OR2J3: variants seen among roughly 807,000 people sequenced by gnomAD.
OR2J3 encodes olfactory receptor family 2 subfamily J member 3.
A neutral mutation model predicts 18.5 loss-of-function variants in OR2J3; 13 were observed. The observed-to-expected ratio is 0.70, with a 90% CI of 0.46 to 1.12. The LOEUF is 1.12. Among genes scored for constraint, OR2J3 ranks in the 50% most tolerant of loss-of-function variants. The pLI, the probability that OR2J3 is intolerant of heterozygous loss-of-function variation, is 0.00. For missense variants in OR2J3, 321 were observed against 371.6 expected (o/e 0.86, Z 1.12); for synonymous variants, 142 against 140.6 (o/e 1.01, Z -0.07).
Position 29,112,461 on chromosome 6 carries a change from T to C in OR2J3, c.571T>C (p.Ser191Pro). The C allele has an allele frequency of 1.2e-6, 2 of 1,614,140 alleles. No individual in the cohort carries two copies. Among genetic ancestry groups the C allele is most frequent in the Non-Finnish European group, 1.7e-6 (2 of 1,180,026 alleles). ...TGAAGTTCCAGCACTTCTGCGATTA[T>C]CGTGTGTTGATACCCATGTCAATGA... ...FCEVPALLRL[S>P]CVDTHVNELT... Residue 191 changes from serine (S) to proline (P), a missense_variant, in exon 4 of 4, where the codon TCG becomes CCG. Coordinates refer to ENST00000641151, the MANE Select transcript of OR2J3 (RefSeq NM_001005216.4).
In OR2J3 at chr6:29,108,308, G is replaced by T. The variant is rs1479741012; in HGVS notation, c.-181+13G>T. The T allele has an allele frequency of 1.3e-5, 2 of 152,086 alleles. No individual in the cohort carries two copies. Among genetic ancestry groups the T allele is most frequent in the Non-Finnish European group, 2.9e-5 (2 of 68,016 alleles). 9.4% of individuals were successfully genotyped at this position (152,086 alleles called of 1,614,324 possible). Reference sequence around the variant, plus strand: ...GCTTAAGTACTAGGTAATATATAAAGAAATATTATGGTAAGAATAAAAAAA... The same window carrying T: ...GCTTAAGTACTAGGTAATATATAAATAAATATTATGGTAAGAATAAAAAAA... On this transcript the variant is annotated intron_variant, in intron 1 of 3. Transcript: ENST00000641151.
At position 29,111,927 on chromosome 6, in the gene OR2J3, G is replaced by C. The variant is rs1265389457; in HGVS notation, c.37G>C (p.Gly13Arg). ...DDGKVNASSEGYFILVGFSNW... is the reference protein window; with the variant it reads ...DDGKVNASSERYFILVGFSNW... ...TGGAAAAGTCAATGCTAGCTCTGAG[G>C]GGTACTTTATTTTAGTTGGATTTTC... is the stretch of plus-strand genomic sequence containing the variant. The change falls in exon 4 of 4, where the codon GGG becomes CGG. Residue 13 changes from glycine to arginine, a missense_variant. By Grantham distance (125) the Gly-to-Arg change is moderately radical. Transcript: ENST00000641151. 4 of 1,613,590 alleles carry C rather than the reference G, an allele frequency of 2.5e-6. No homozygotes were observed. Among genetic ancestry groups the C allele is most frequent in the Admixed American group, 1.7e-5 (1 of 59,992 alleles).
rs751170327 is a variant in OR2J3 at position 29,112,320 on chromosome 6, T to C, written c.430T>C (p.Cys144Arg). 67 of 1,614,208 alleles carry C rather than the reference T, an allele frequency of 4.2e-5. No individual in the cohort carries two copies. The highest frequency in any genetic ancestry group is 5.5e-5 in the Non-Finnish European group (65 of 1,180,046). ...CACTGTCCTCATGCACCCTCGTTTC[T>C]GCCACCTGCTGGCTGTGGCTTCTTG... Reference protein sequence around the residue: ...HYTVLMHPRFCHLLAVASWVS... With the variant: ...HYTVLMHPRFRHLLAVASWVS... The change falls in exon 4 of 4, where the codon TGC (cysteine) becomes CGC (arginine). Residue 144 changes from cysteine to arginine, a missense_variant. Physicochemically the swap from Cys to Arg is radical, Grantham distance 180. Coordinates refer to ENST00000641151, the MANE Select transcript of OR2J3 (RefSeq NM_001005216.4).
intron 3 of OR2J3, 38 bp from the exon 4 acceptor site, chr6:29,111,843 C>A: frequency 6.5e-7 from 1 of 1,532,292 alleles, no homozygotes; most frequent in Non-Finnish European, 8.7e-7. Flanking sequence ...CATTTGTTTA[C>A]TCGTTTTTTG....
intron 3 of OR2J3, 159 bp from the exon 4 acceptor site, chr6:29,111,722 T>A (rs1239674936): frequency 4.8e-6 from 3 of 620,068 alleles, no homozygotes; most frequent in Non-Finnish European, 8.2e-6. Context: ...TTATAATTCT[T>A]CTTTTGTTAA....
In OR2J3 at chr6:29,114,573, C is replaced by T. The variant is rs899989892; in HGVS notation, c.*1747C>T. On this transcript the variant is annotated 3_prime_UTR_variant, in exon 4 of 4. Transcript: ENST00000641151. ...AGCTAATTAACAGATCATTAACTCA[C>T]ATACTTACCTGTTTTGTGGTGAGAA... 1 of 151,996 alleles carries T rather than the reference C, an allele frequency of 6.6e-6. No individual in the cohort carries two copies. The highest frequency in any genetic ancestry group is 2.4e-5 in the African/African-American group (1 of 41,364). The allele number at this position is 151,996 out of a possible 1,614,324, so 9.4% of individuals were successfully genotyped here.
Position 29,112,794 on chromosome 6 carries a change from G to A in OR2J3, c.904G>A (p.Gly302Arg). 3 of 1,613,748 alleles carry A rather than the reference G, an allele frequency of 1.9e-6. No individual in the cohort carries two copies. Among genetic ancestry groups the A allele is most frequent in the Non-Finnish European group, 8.5e-7 (1 of 1,179,786 alleles). ...IYTLRNKVVR[G>R]AVKRLMGWE The stretch of plus-strand genomic sequence containing the variant: ...CACCCTCAGAAACAAAGTTGTAAGA[G>A]GGGCAGTGAAGAGACTAATGGGGTG... Residue 302 changes from glycine to arginine, a missense_variant, in exon 4 of 4, where the codon GGG becomes AGG. Physicochemically the swap from Gly to Arg is moderately radical, Grantham distance 125. Coordinates refer to ENST00000641151, the MANE Select transcript of OR2J3 (RefSeq NM_001005216.4).
intron 3 of OR2J3, among the ~76,000 whole-genome samples, chr6:29,110,847 CTATCTATT>C (rs1327127960): frequency 2.3e-5 from 3 of 133,208 alleles, no homozygotes; most frequent in Admixed American, 8.1e-5. Flanking sequence ...TATCAACTAT[CTATCTATT>C]TATCTATCTA....
intron 3 of OR2J3, among the ~76,000 whole-genome samples, chr6:29,110,813 C>T (rs1475784695): frequency 6.6e-6 from 1 of 151,998 alleles, no homozygotes; most frequent in Non-Finnish European, 1.5e-5. Flanking sequence ...TTTACATTTT[C>T]CCCCAAAGCT....
chr6:29,108,593 C>T lies in OR2J3; in HGVS notation c.-124C>T, dbSNP rs1384798813. ...TCTCGAACTTCTGGGCTCCAGAGAT[C>T]CACCCACCTTGGCCTCCCAAAGTGT... On this transcript the variant is annotated 5_prime_UTR_variant, in exon 2 of 4. Coordinates refer to ENST00000641151, the MANE Select transcript of OR2J3 (RefSeq NM_001005216.4). The T allele has an allele frequency of 1.3e-5, 2 of 152,110 alleles. No individual in the cohort carries two copies. The highest frequency in any genetic ancestry group is 2.4e-5 in the African/African-American group (1 of 41,408). 9.4% of individuals were successfully genotyped at this position (152,110 alleles called of 1,614,324 possible). A position where few individuals can be genotyped will look rare whatever the true frequency, so the allele number is the denominator to read the frequency against.
At position 29,112,885 on chromosome 6, in the gene OR2J3, T is replaced by A; in HGVS notation, c.*59T>A. On this transcript the variant is annotated 3_prime_UTR_variant, in exon 4 of 4. Coordinates refer to ENST00000641151, the MANE Select transcript of OR2J3 (RefSeq NM_001005216.4). ...AGTCTCCCCTCACAATGATTCATCCTTCTATTTATTTATCAACCATTCTTT... is the reference window on the plus strand; with the variant it reads ...AGTCTCCCCTCACAATGATTCATCCATCTATTTATTTATCAACCATTCTTT... 1 of 1,513,748 alleles carries A rather than the reference T, an allele frequency of 6.6e-7. No homozygotes were observed. Among genetic ancestry groups the A allele is most frequent in the Non-Finnish European group, 8.8e-7 (1 of 1,134,374 alleles). 93.8% of individuals were successfully genotyped at this position (1,513,748 alleles called of 1,614,324 possible).
Position 29,112,766 on chromosome 6 carries a change from C to T in OR2J3, c.876C>T (p.Ile292=). 6.2e-7 allele frequency: 1 copy of T among 1,614,000 alleles called. No individual in the cohort carries two copies. The highest frequency in any genetic ancestry group is 2.2e-5 in the East Asian group (1 of 44,872). ...TCACACCTAGTCTTAACCCTCTAATCTACACCCTCAGAAACAAAGTTGTAA... is the reference window on the plus strand; with the variant it reads ...TCACACCTAGTCTTAACCCTCTAATTTACACCCTCAGAAACAAAGTTGTAA... ...TVVTPSLNPL[I]YTLRNKVVRG... Residue 292 remains isoleucine, a synonymous_variant, in exon 4 of 4, where the codon ATC becomes ATT. Transcript: ENST00000641151.
chr6:29,112,930 C>G lies in OR2J3; in HGVS notation c.*104C>G, dbSNP rs901669672. 8.1e-6 allele frequency: 11 copies of G among 1,362,268 alleles called. No individual in the cohort carries two copies. Among genetic ancestry groups the G allele is most frequent in the African/African-American group, 1.5e-5 (1 of 68,496 alleles). The allele number at this position is 1,362,268 out of a possible 1,614,324, so 84.4% of individuals were successfully genotyped here. ...TTCTTTTATTCACTCACTCTGTTAGCACTTGCTGAGCATGTACTCTAACAA... is the reference window on the plus strand; with the variant it reads ...TTCTTTTATTCACTCACTCTGTTAGGACTTGCTGAGCATGTACTCTAACAA... On this transcript the variant is annotated 3_prime_UTR_variant, in exon 4 of 4. Transcript: ENST00000641151.
Position 29,112,882 on chromosome 6 carries a change from T to C in OR2J3, c.*56T>C, listed in dbSNP as rs1160523329. On this transcript the variant is annotated 3_prime_UTR_variant, in exon 4 of 4. Coordinates refer to ENST00000641151, the MANE Select transcript of OR2J3 (RefSeq NM_001005216.4). Reference sequence around the variant, plus strand: ...CAGAGTCTCCCCTCACAATGATTCATCCTTCTATTTATTTATCAACCATTC... The same window carrying C: ...CAGAGTCTCCCCTCACAATGATTCACCCTTCTATTTATTTATCAACCATTC... 2 of 1,521,468 alleles carry C rather than the reference T, an allele frequency of 1.3e-6. No homozygotes were observed. The highest frequency in any genetic ancestry group is 2.3e-5 in the East Asian group (1 of 44,122). The allele number at this position is 1,521,468 out of a possible 1,614,324, so 94.2% of individuals were successfully genotyped here.
intron 3 of OR2J3, among the ~76,000 whole-genome samples, chr6:29,109,847 C>A (rs1762060905): frequency 6.6e-6 from 1 of 152,080 alleles, no homozygotes; most frequent in African/African-American, 2.4e-5. Flanking sequence ...GATGAACAGC[C>A]ACTTAATGAT....
In OR2J3 at chr6:29,112,219, T is replaced by G; in HGVS notation, c.329T>G (p.Leu110Arg). 1 of 1,614,186 alleles carries G rather than the reference T, an allele frequency of 6.2e-7. No individual in the cohort carries two copies. Among genetic ancestry groups the G allele is most frequent in the Non-Finnish European group, 8.5e-7 (1 of 1,180,028 alleles). Residue 110 changes from leucine to arginine, a missense_variant, in exon 4 of 4, where the codon CTG becomes CGG. Leu to Arg is a moderately radical substitution (Grantham distance 102). Coordinates refer to ENST00000641151, the MANE Select transcript of OR2J3 (RefSeq NM_001005216.4). Reference protein sequence around the residue: ...CMIQLYFVLALGTTECVLLVV... With the variant: ...CMIQLYFVLARGTTECVLLVV... ...ATTCAACTTTACTTTGTTCTCGCAC[T>G]GGGAACCACAGAGTGTGTCCTACTG...
At position 29,112,263 on chromosome 6, in the gene OR2J3, C is replaced by T. The variant is rs781677754; in HGVS notation, c.373C>T (p.Arg125Cys). The T allele has an allele frequency of 5.0e-6, 8 of 1,614,098 alleles. No individual in the cohort carries two copies. Among genetic ancestry groups the T allele is most frequent in the Middle Eastern group, 1.7e-4 (1 of 6,058 alleles). ...CCTACTGGTGGTGATGTCCTATGAC[C>T]GTTATGCAGCTGTGTGTAGACCTTT... ...CVLLVVMSYD[R>C]YAAVCRPLHY... Residue 125 changes from arginine (R) to cysteine (C), a missense_variant, in exon 4 of 4, where the codon CGT (arginine) becomes TGT (cysteine). By Grantham distance (180) the Arg-to-Cys change is radical. Coordinates refer to ENST00000641151, the MANE Select transcript of OR2J3 (RefSeq NM_001005216.4).
rs1010533210 is a variant in OR2J3, at chr6:29,114,156, T to A, written c.*1330T>A. 6 of 152,322 alleles carry A rather than the reference T, an allele frequency of 3.9e-5. No individual in the cohort carries two copies. Among genetic ancestry groups the A allele is most frequent in the African/African-American group, 1.4e-4 (6 of 41,578 alleles). 9.4% of individuals were successfully genotyped at this position (152,322 alleles called of 1,614,324 possible). On this transcript the variant is annotated 3_prime_UTR_variant, in exon 4 of 4. Coordinates refer to ENST00000641151, the MANE Select transcript of OR2J3 (RefSeq NM_001005216.4). ...GCAATTGCATTGATTCTGCTGACTTTATCTTCCTTCTGCATCTCTGACTCT... is the reference window on the plus strand; with the variant it reads ...GCAATTGCATTGATTCTGCTGACTTAATCTTCCTTCTGCATCTCTGACTCT...
At position 29,112,621 on chromosome 6, in the gene OR2J3, G is replaced by C. The variant is rs1218622898; in HGVS notation, c.731G>C (p.Cys244Ser). 1 of 1,614,126 alleles carries C rather than the reference G, an allele frequency of 6.2e-7. No individual in the cohort carries two copies. Among genetic ancestry groups the C allele is most frequent in the Admixed American group, 1.7e-5 (1 of 60,016 alleles). Residue 244 changes from cysteine to serine, a missense_variant, in exon 4 of 4, where the codon TGT becomes TCT. By Grantham distance (112) the Cys-to-Ser change is moderately radical. Coordinates refer to ENST00000641151, the MANE Select transcript of OR2J3 (RefSeq NM_001005216.4). ...TTGLQKVFGT[C>S]GAHLMAVSLF... ...GGGCTTCAGAAAGTGTTTGGAACAT[G>C]TGGAGCTCATCTTATGGCTGTATCT...
Sources: allele counts gnomAD v4.1 joint callset (sites outside exome capture counted in the v4.1 genomes callset), GRCh38; gene constraint gnomAD v4.1.1; transcripts MANE v1.5; gene names NCBI Gene and HGNC (gene_info 2026-07-23, HGNC 2026-07-21).